Variants in MYCBP2 observed in about 807,000 individuals in gnomAD.
MYCBP2 encodes MYC binding protein 2.
In MYCBP2, 120 loss-of-function variants were observed where a neutral mutation model predicts 525.3. The ratio of observed to expected loss-of-function variants is 0.23; its 90% CI spans 0.20 to 0.27. The LOEUF is 0.27. Ranked by LOEUF, MYCBP2 falls within the 10% of genes least tolerant of loss-of-function variation. MYCBP2 has a pLI of 1.00. For missense variants in MYCBP2, 4,149 were observed against 5,657.1 expected (o/e 0.73, Z 8.55); for synonymous variants, 1,894 against 1,955.8 (o/e 0.97, Z 0.83).
In MYCBP2 at chr13:77,167,957, G is replaced by A. The variant is rs112191845; in HGVS notation, c.6114+471C>T. 1.1e-4 allele frequency among the ~76,000 whole-genome samples: 16 copies of A among 152,014 alleles called. 1 individual carries two copies. Among genetic ancestry groups the A allele is most frequent in the Non-Finnish European group, 1.5e-4 (10 of 67,950 alleles). On this transcript the variant is annotated intron_variant, in intron 40 of 82. Coordinates refer to ENST00000544440, the MANE Select transcript of MYCBP2 (RefSeq NM_015057.5). ...GATACAATGAAAAAACAAAGAATAC[G>A]GATTTTGAATACTCTCTAATAACAT...
chr13:77,268,291 C>T (rs896404955), intron 7 of MYCBP2, among the ~76,000 whole-genome samples: 4 of 152,102 alleles, frequency 2.6e-5, no homozygotes, highest in Non-Finnish European at 5.9e-5. Flanking sequence ...ATTGAGTTTG[C>T]TATTTGAAAA....
intron 68 of MYCBP2, chr13:77,076,034 T>C: frequency 6.6e-6 from 1 of 152,188 alleles, no homozygotes; most frequent in East Asian, 1.9e-4. Context: ...ATATTGAGAC[T>C]AGTCAGAGTT....
In MYCBP2 at chr13:77,212,054, C is replaced by G. The variant is rs1275091418; in HGVS notation, c.3164G>C (p.Gly1055Ala). The change falls in exon 22 of 83, where the codon GGT (glycine) becomes GCT (alanine). Residue 1055 changes from glycine to alanine, a missense_variant. Gly to Ala is a moderately conservative substitution (Grantham distance 60, BLOSUM62 0). Transcript: ENST00000544440. ...TAAAAAAGTTTGGTCCCCACTTGCA[C>G]CTATCCAAGTAGCTTTTCTTCCATA... ...SKYGRKATWI[G>A]ASGDQTFLRI... The G allele has an allele frequency of 6.2e-7, 1 of 1,613,968 alleles. No individual in the cohort carries two copies. Among genetic ancestry groups the G allele is most frequent in the East Asian group, 2.2e-5 (1 of 44,874 alleles).
intron 17 of MYCBP2, among the ~76,000 whole-genome samples, chr13:77,241,341 C>T (rs1299890434): frequency 6.6e-6 from 1 of 151,988 alleles, no homozygotes; most frequent in Non-Finnish European, 1.5e-5. Flanking sequence ...CCGCATTAGG[C>T]AAGTAATTAA....
intron 1 of MYCBP2, among the ~76,000 whole-genome samples, chr13:77,315,022 A>C (rs1018321451): frequency 2.0e-5 from 3 of 152,226 alleles, no homozygotes; most frequent in Admixed American, 6.5e-5. Flanking sequence ...CTTCATGCTA[A>C]AAACTTCAAC....
Position 77,288,364 on chromosome 13 carries a change from C to CT in MYCBP2, c.390dup (p.Glu131ArgfsTer13). On this transcript the variant is annotated frameshift_variant, in exon 3 of 83. Transcript: ENST00000544440. LOFTEE classifies it high-confidence loss of function. Reference sequence around the variant, plus strand: ...ATATCTGGTATGATTACTGTATTCTCTAAGTTTTCAGACTGAAATACAAAA... The same window carrying CT: ...ATATCTGGTATGATTACTGTATTCTCTTAAGTTTTCAGACTGAAATACAAAA... The CT allele has an allele frequency of 6.2e-7, 1 of 1,612,002 alleles. No homozygotes were observed. The highest frequency in any genetic ancestry group is 8.5e-7 in the Non-Finnish European group (1 of 1,178,542).
At position 77,185,262 on chromosome 13, in the gene MYCBP2, C is replaced by T. The variant is rs2060615859; in HGVS notation, c.4560G>A (p.Leu1520=). 6 of 1,614,082 alleles carry T rather than the reference C, an allele frequency of 3.7e-6. No individual in the cohort carries two copies. Among genetic ancestry groups the T allele is most frequent in the Non-Finnish European group, 5.1e-6 (6 of 1,180,010 alleles). ...SEGVDHCMVK[L]DNDPQGYLSQ... ...TGAGATATCCTTGAGGATCATTATC[C>T]AATTTCACCATGCAGTGATCAACTC... Residue 1520 remains leucine, a synonymous_variant, in exon 32 of 83, where the codon TTG becomes TTA. Transcript: ENST00000544440.
intron 20 of MYCBP2, among the ~76,000 whole-genome samples, chr13:77,223,885 C>G (rs1410447008): frequency 6.6e-6 from 1 of 151,864 alleles, no homozygotes; most frequent in East Asian, 1.9e-4. Flanking sequence ...TTTAGCTGCA[C>G]GATCATGTCA....
Position 77,139,205 on chromosome 13 carries a change from G to A in MYCBP2, c.7650C>T (p.Val2550=), listed in dbSNP as rs1465475648. The A allele has an allele frequency of 6.2e-7, 1 of 1,613,310 alleles. No homozygotes were observed. Among genetic ancestry groups the A allele is most frequent in the South Asian group, 1.1e-5 (1 of 90,962 alleles). The part of the protein sequence containing the change: ...FNQHLGKSLL[V]PVDESKTNTD... ...ACCACCTTTTACTTACGTCAACAGGGACCAGAAGACTCTTGCCAAGATGTT... is the reference window on the plus strand; with the variant it reads ...ACCACCTTTTACTTACGTCAACAGGAACCAGAAGACTCTTGCCAAGATGTT... Residue 2550 remains valine (V), a synonymous_variant, in exon 52 of 83, where the codon GTC becomes GTT. Coordinates refer to ENST00000544440, the MANE Select transcript of MYCBP2 (RefSeq NM_015057.5).
rs1566822606 is a variant in MYCBP2 at position 77,177,770 on chromosome 13, T to C, written c.5318A>G (p.Glu1773Gly). The stretch of plus-strand genomic sequence containing the variant: ...TACATCATCAACCAACACCTCTAAT[T>C]CATATTCATGAATTCCACCTCCTCC... ...VYGGGGIHEY[E>G]LEVLVDDSEH... The change falls in exon 35 of 83, where the codon GAA (glutamate) becomes GGA (glycine). Residue 1773 changes from glutamate (E) to glycine (G), a missense_variant. Glu to Gly is a moderately conservative substitution (Grantham distance 98). Coordinates refer to ENST00000544440, the MANE Select transcript of MYCBP2 (RefSeq NM_015057.5). 6.2e-7 allele frequency: 1 copy of C among 1,613,694 alleles called. No individual in the cohort carries two copies. Among genetic ancestry groups the C allele is most frequent in the Non-Finnish European group, 8.5e-7 (1 of 1,179,610 alleles).
At position 77,189,010 on chromosome 13, in the gene MYCBP2, G is replaced by C; in HGVS notation, c.4192C>G (p.Gln1398Glu). ...ATGTGTACAGGTTCACTGGTTTGCT[G>C]TTTGCCTTTTGAAGCACTGCCATCA... is the stretch of plus-strand genomic sequence containing the variant. ...TSDGSASKGK[Q>E]QTSEPVHILK... Residue 1398 changes from glutamine to glutamate, a missense_variant, in exon 30 of 83, where the codon CAG becomes GAG. Gln to Glu is a conservative substitution (Grantham distance 29). Around this residue, in one of 21 missense-constraint regions of MYCBP2, gnomAD observed 292 missense variants for 330.5 expected, o/e 0.88. Coordinates refer to ENST00000544440, the MANE Select transcript of MYCBP2 (RefSeq NM_015057.5). The C allele has an allele frequency of 1.2e-6, 2 of 1,611,074 alleles. No homozygotes were observed. The highest frequency in any genetic ancestry group is 1.3e-5 in the African/African-American group (1 of 74,752).
chr13:77,124,867 T>C (rs1021188001), intron 54 of MYCBP2, among the ~76,000 whole-genome samples: 1 of 152,098 alleles, frequency 6.6e-6, no homozygotes, highest in Non-Finnish European at 1.5e-5. Context: ...TAAAATAAAA[T>C]TTAAAGTTGA....
Position 77,251,331 on chromosome 13 carries a change from G to A in MYCBP2, c.2201C>T (p.Thr734Ile), listed in dbSNP as rs759991937. 6.2e-7 allele frequency: 1 copy of A among 1,614,054 alleles called. No individual in the cohort carries two copies. The highest frequency in any genetic ancestry group is 1.7e-5 in the Admixed American group (1 of 60,018). The change falls in exon 15 of 83, where the codon ACA becomes ATA. Residue 734 changes from threonine to isoleucine, a missense_variant. Physicochemically the swap from Thr to Ile is moderately conservative, Grantham distance 89. Around this residue, in one of 21 missense-constraint regions of MYCBP2, gnomAD observed 620 missense variants for 795.5 expected, o/e 0.78. Coordinates refer to ENST00000544440, the MANE Select transcript of MYCBP2 (RefSeq NM_015057.5). ...GKGFGVENMATAMDEDLEEEL... is the reference protein window; with the variant it reads ...GKGFGVENMAIAMDEDLEEEL... ...TTCTTCCAGGTCTTCATCCATTGCTGTTGCCATATTTTCAACTCCAAACCC... is the reference window on the plus strand; with the variant it reads ...TTCTTCCAGGTCTTCATCCATTGCTATTGCCATATTTTCAACTCCAAACCC...
chr13:77,277,230 A>T (rs951017534), intron 4 of MYCBP2, among the ~76,000 whole-genome samples: 1 of 152,206 alleles, frequency 6.6e-6, no homozygotes, highest in Admixed American at 6.5e-5. Flanking sequence ...ACCAAATCCA[A>T]GAAAACCGAG....
intron 15 of MYCBP2, among the ~76,000 whole-genome samples, chr13:77,245,282 C>T (rs896042700): frequency 2.6e-5 from 4 of 151,962 alleles, no homozygotes; most frequent in South Asian, 2.1e-4. Context: ...TATAAATCAT[C>T]CTACTACAAA....
intron 17 of MYCBP2, among the ~76,000 whole-genome samples, chr13:77,236,079 G>A (rs2067879410): frequency 6.6e-6 from 1 of 152,136 alleles, no homozygotes; most frequent in African/African-American, 2.4e-5. Flanking sequence ...GGTGGCTAAT[G>A]GCTTAGAAGA....
At chr13:77,072,751 T>C (rs1480624296) in intron 68 of MYCBP2, among the ~76,000 whole-genome samples, 1 of 152,104 alleles carries the variant, frequency 6.6e-6, no homozygotes, top group Non-Finnish European at 1.5e-5. Flanking sequence ...CTTATGGCAA[T>C]AAATCCAGAA....
At chr13:77,259,776 T>TA (rs1194452355) in intron 13 of MYCBP2, among the ~76,000 whole-genome samples, 1 of 152,218 alleles carries the variant, frequency 6.6e-6, no homozygotes, top group African/African-American at 2.4e-5. Context: ...TTATCACACA[T>TA]AAAATCCTTC....
chr13:77,262,184 T>C, intron 10 of MYCBP2, 55 bp from the exon 11 acceptor site: 2 of 1,400,604 alleles, frequency 1.4e-6, no homozygotes, highest in South Asian at 2.5e-5. Flanking sequence ...GAATTCTAAA[T>C]ACAACATGCA....
Sources: allele counts gnomAD v4.1 joint callset (sites outside exome capture counted in the v4.1 genomes callset), GRCh38; gene constraint gnomAD v4.1.1; regional missense constraint gnomAD v4.1.1; transcripts MANE v1.5; gene names NCBI Gene and HGNC (gene_info 2026-07-23, HGNC 2026-07-21).